Variants in FAM227B observed in about 807,000 individuals in gnomAD.
The protein encoded by FAM227B is protein FAM227B.
A neutral mutation model predicts 73.8 loss-of-function variants in FAM227B; 88 were observed. That is an observed-to-expected ratio of 1.19 (90% CI 1.00 to 1.42). The LOEUF is 1.42. FAM227B is among the 40% of genes most tolerant of loss of function. FAM227B has a pLI of 0.00. For synonymous variants in FAM227B, 210 were observed against 190.5 expected, an observed-to-expected ratio of 1.10 and a Z score of -0.84; for missense variants, 632 against 590.9, an observed-to-expected ratio of 1.07 and a Z score of -0.72.
intron 11 of FAM227B, among the ~76,000 whole-genome samples, chr15:49,375,574 C>T (rs1253566267): frequency 2.0e-5 from 3 of 151,940 alleles, no homozygotes; most frequent in Non-Finnish European, 2.9e-5. Context: ...CTCTGTGGAG[C>T]CAAACATTAC....
intron 15 of FAM227B, chr15:49,329,558 A>C: frequency 1.0e-6 from 1 of 984,988 alleles, no homozygotes. Flanking sequence ...ACAGTCATAC[A>C]TAGAATACTA....
intron 11 of FAM227B, among the ~76,000 whole-genome samples, chr15:49,439,053 G>A (rs1367380304): frequency 2.0e-5 from 3 of 151,844 alleles, no homozygotes; most frequent in Non-Finnish European, 4.4e-5. Context: ...GGACTCTTAC[G>A]AGGTTGCAAT....
chr15:49,355,460 C>T (rs1037899038), intron 13 of FAM227B, among the ~76,000 whole-genome samples: 32 of 151,972 alleles, frequency 2.1e-4, no homozygotes, highest in Non-Finnish European at 4.1e-4. Flanking sequence ...CCTCAGGAGC[C>T]GATGCGATCA....
intron 11 of FAM227B, among the ~76,000 whole-genome samples, chr15:49,479,597 C>CTTTTT (rs1567359064): frequency 2.9e-5 from 3 of 102,076 alleles, no homozygotes; most frequent in East Asian, 3.4e-4. Flanking sequence ...GTTAATACCT[C>CTTTTT]TGTTTTTTTT....
chr15:49,360,569 C>G (rs1183187070), intron 13 of FAM227B, among the ~76,000 whole-genome samples: 4 of 52,344 alleles, frequency 7.6e-5, no homozygotes, highest in African/African-American at 3.0e-4. Context: ...CTTATAAAAA[C>G]ATAGACAAAG....
At chr15:49,477,423 A>T (rs1000443998) in intron 11 of FAM227B, among the ~76,000 whole-genome samples, 9 of 152,188 alleles carry the variant, frequency 5.9e-5, no homozygotes, top group African/African-American at 2.2e-4. Flanking sequence ...TATGGCTGGA[A>T]TCATACAGTA....
chr15:49,354,963 C>T (rs1016379598), intron 13 of FAM227B, among the ~76,000 whole-genome samples: 1 of 151,886 alleles, frequency 6.6e-6, no homozygotes, highest in African/African-American at 2.4e-5. Context: ...CTGGGAGGCA[C>T]CCCCCAGCAG....
intron 13 of FAM227B, among the ~76,000 whole-genome samples, chr15:49,346,354 A>T (rs2151269194): frequency 6.6e-6 from 1 of 152,288 alleles, no homozygotes; most frequent in Middle Eastern, 3.4e-3. Context: ...ATGAAGCCTG[A>T]CTATGCTTGC....
intron 9 of FAM227B, among the ~76,000 whole-genome samples, chr15:49,559,513 C>T (rs1292183440): frequency 6.6e-6 from 1 of 152,140 alleles, no homozygotes; most frequent in African/African-American, 2.4e-5. Context: ...AACTGCACAG[C>T]TCAATATAAA....
intron 3 of FAM227B, among the ~76,000 whole-genome samples, chr15:49,609,128 G>C (rs1021445310): frequency 1.1e-4 from 16 of 151,912 alleles, no homozygotes; most frequent in South Asian, 2.1e-4. Flanking sequence ...GGATAAGTAA[G>C]AGAGCTGACA....
chr15:49,328,802 A>G, intron 15 of FAM227B, 127 bp from the exon 16 acceptor site: 1 of 1,422,196 alleles, frequency 7.0e-7, no homozygotes, highest in Non-Finnish European at 9.2e-7. Flanking sequence ...CAAAAGGAGG[A>G]TACAGGAAGA....
intron 11 of FAM227B, among the ~76,000 whole-genome samples, chr15:49,380,197 C>G (rs1275589211): frequency 1.3e-5 from 2 of 152,210 alleles, no homozygotes; most frequent in African/African-American, 4.8e-5. Context: ...AGACTACTAC[C>G]TAAGTTCCCT....
At chr15:49,415,803 T>G (rs2049173959) in intron 11 of FAM227B, among the ~76,000 whole-genome samples, 1 of 152,164 alleles carries the variant, frequency 6.6e-6, no homozygotes, top group Non-Finnish European at 1.5e-5. Flanking sequence ...TACAGTTAGT[T>G]TTAAAATGTT....
intron 10 of FAM227B, among the ~76,000 whole-genome samples, chr15:49,528,284 C>G (rs1333936704): frequency 1.3e-5 from 2 of 151,798 alleles, no homozygotes; most frequent in African/African-American, 4.8e-5. Context: ...GCTGGGAAAA[C>G]TGGATAGCCA....
At chr15:49,515,556 T>C (rs2059319248) in intron 10 of FAM227B, among the ~76,000 whole-genome samples, 1 of 152,160 alleles carries the variant, frequency 6.6e-6, no homozygotes, top group Non-Finnish European at 1.5e-5. Flanking sequence ...TATTATGCAG[T>C]GTAGTAAAGA....
chr15:49,489,373 G>A (rs2056682400), intron 11 of FAM227B: 1 of 984,434 alleles, frequency 1.0e-6, no homozygotes, highest in East Asian at 1.1e-4. Flanking sequence ...TTCCTTGAGG[G>A]ATACTGCGTG....
chr15:49,518,672 G>GA (rs537616873), intron 10 of FAM227B, among the ~76,000 whole-genome samples: 34 of 148,502 alleles, frequency 2.3e-4, no homozygotes, highest in African/African-American at 6.9e-4. Context: ...GAACAGCATG[G>GA]AAAAAAAAAC....
At chr15:49,414,302 G>C (rs1034108623) in intron 11 of FAM227B, among the ~76,000 whole-genome samples, 14 of 151,902 alleles carry the variant, frequency 9.2e-5, no homozygotes, top group Non-Finnish European at 1.9e-4. Context: ...AAGAGAAAGA[G>C]ATGGGGAGAT....
At chr15:49,584,095 A>T (rs946143311) in intron 5 of FAM227B, among the ~76,000 whole-genome samples, 1 of 152,212 alleles carries the variant, frequency 6.6e-6, no homozygotes, top group African/African-American at 2.4e-5. Flanking sequence ...CTTGATGAAC[A>T]TTGATGCAAA....
Sources: gnomAD v4.1 joint callset for allele counts (sites outside exome capture counted in the v4.1 genomes callset) on GRCh38, gnomAD v4.1.1 for gene constraint, MANE v1.5 for transcripts, NCBI Gene and HGNC (gene_info 2026-07-23, HGNC 2026-07-21) for gene names.